Variants in BRD10 observed in about 807,000 individuals in gnomAD.
BRD10 encodes bromodomain containing 10, also known as uncharacterized bromodomain-containing protein 10.
chr9:5,894,392 C>T, the BRD10 span, among the ~76,000 whole-genome samples: 1 of 152,120 alleles, frequency 6.6e-6, no homozygotes, highest in Non-Finnish European at 1.5e-5. This position sits in a 1 kb window ranked among gnomAD's most constrained non-coding sequence, Gnocchi z 4.0. Context: ...ATCGGGGCAA[C>T]CAAGGCTGTA....
chr9:5,945,597 C>T, the BRD10 span, among the ~76,000 whole-genome samples: 1 of 152,018 alleles, frequency 6.6e-6, no homozygotes, highest in African/African-American at 2.4e-5. Flanking sequence ...CACCTGGTAA[C>T]ATTGGCAAAT....
At chr9:5,969,644 A>C in the BRD10 span, among the ~76,000 whole-genome samples, 3 of 152,146 alleles carry the variant, frequency 2.0e-5, no homozygotes, top group South Asian at 6.2e-4. Flanking sequence ...CGCGGGTTCA[A>C]GCAATTCTCC....
At chr9:5,909,622 C>T in the BRD10 span, 3 of 152,208 alleles carry the variant, frequency 2.0e-5, no homozygotes, top group Non-Finnish European at 4.4e-5. Context: ...AGGCTCAATG[C>T]TATTCTAACT....
At chr9:5,950,057 A>G in the BRD10 span, among the ~76,000 whole-genome samples, 1 of 152,216 alleles carries the variant, frequency 6.6e-6, no homozygotes, top group East Asian at 1.9e-4. Flanking sequence ...ATAATGCATC[A>G]TAACAATACA....
the BRD10 span, among the ~76,000 whole-genome samples, chr9:5,976,757 A>T: frequency 4.6e-4 from 70 of 152,120 alleles, no homozygotes; most frequent in African/African-American, 1.6e-3. Context: ...AGTCAACACT[A>T]AGTAGGGAAA....
chr9:5,952,365 G>T, the BRD10 span, among the ~76,000 whole-genome samples: 3 of 152,110 alleles, frequency 2.0e-5, no homozygotes, highest in Admixed American at 6.6e-5. Flanking sequence ...TTTTGACCAT[G>T]ACCCATGGTC....
chr9:5,964,696 C>CACATAT, the BRD10 span, among the ~76,000 whole-genome samples: 15 of 144,634 alleles, frequency 1.0e-4, no homozygotes, highest in African/African-American at 3.7e-4. Flanking sequence ...GGAAATGTGG[C>CACATAT]ACATATACAC....
the BRD10 span, among the ~76,000 whole-genome samples, chr9:5,894,042 C>T: frequency 6.6e-6 from 1 of 152,090 alleles, no homozygotes; most frequent in Non-Finnish European, 1.5e-5. The surrounding 1 kb of genome is among the most constrained non-coding windows in gnomAD (Gnocchi z 4.0). Context: ...CTGTTTGCCT[C>T]CAGAGTCCAT....
At chr9:5,963,487 A>C in the BRD10 span, among the ~76,000 whole-genome samples, 2 of 147,390 alleles carry the variant, frequency 1.4e-5, no homozygotes, top group South Asian at 2.3e-4. Context: ...TGCCCAAGGT[A>C]ATTTACAGAT....
chr9:5,981,767 T>C, the BRD10 span, among the ~76,000 whole-genome samples: 1 of 152,198 alleles, frequency 6.6e-6, no homozygotes, highest in African/African-American at 2.4e-5. Flanking sequence ...GGAAAATGGA[T>C]ACACTGAAAT....
At chr9:5,922,726 C>G in the BRD10 span, 2 of 1,613,938 alleles carry the variant, frequency 1.2e-6, no homozygotes, top group African/African-American at 1.3e-5. Context: ...TAGGATCCAC[C>G]ATAGGCTGCA....
chr9:5,928,051 C>T, the BRD10 span, among the ~76,000 whole-genome samples: 1 of 152,178 alleles, frequency 6.6e-6, no homozygotes, highest in African/African-American at 2.4e-5. Flanking sequence ...CCCTCTACCT[C>T]TCAAATTTGC....
At chr9:5,998,270 A>C in the BRD10 span, among the ~76,000 whole-genome samples, 1 of 125,986 alleles carries the variant, frequency 7.9e-6, no homozygotes. Context: ...CTGTTCTATT[A>C]TTGCCCCAGG....
chr9:5,924,969 A>C, the BRD10 span: 2 of 683,482 alleles, frequency 2.9e-6, no homozygotes, highest in East Asian at 6.1e-5. Flanking sequence ...GAAATGCTTT[A>C]ATCTTAAGTG....
chr9:5,982,136 T>C, the BRD10 span, among the ~76,000 whole-genome samples: 1 of 152,166 alleles, frequency 6.6e-6, no homozygotes, highest in Admixed American at 6.5e-5. Flanking sequence ...TATCTACAAA[T>C]ATATACCTAT....
At chr9:5,916,634 A>T in the BRD10 span, among the ~76,000 whole-genome samples, 1 of 151,952 alleles carries the variant, frequency 6.6e-6, no homozygotes, top group Non-Finnish European at 1.5e-5. Flanking sequence ...TGAGGGCAGG[A>T]AAAACCATAG....
the BRD10 span, chr9:5,923,335 TG>T: frequency 2.6e-6 from 4 of 1,534,540 alleles, no homozygotes; most frequent in Non-Finnish European, 3.5e-6. Flanking sequence ...ACGGGCATTT[TG>T]TTTATATAAA....
At chr9:5,881,978 G>A in the BRD10 span, among the ~76,000 whole-genome samples, 1 of 152,352 alleles carries the variant, frequency 6.6e-6, no homozygotes, top group East Asian at 1.9e-4. Context: ...GACATGAACA[G>A]GTGATGTCAC....
the BRD10 span, chr9:5,944,821 T>C: frequency 1.2e-6 from 1 of 864,756 alleles, no homozygotes; most frequent in Non-Finnish European, 1.7e-6. Flanking sequence ...AAAGCAGGAA[T>C]AAATTTTAAT....
Sources: gnomAD v4.1 joint callset for allele counts (sites outside exome capture counted in the v4.1 genomes callset) on GRCh38, gnomAD v4.1.1 for gene constraint, Gnocchi (gnomAD v3.1) non-coding constraint, MANE v1.5 for transcripts, NCBI Gene and HGNC (gene_info 2026-07-23, HGNC 2026-07-21) for gene names.